The following JAK1 variants were observed in gnomAD, a reference collection of about 807,000 sequenced individuals.
JAK1 encodes Janus kinase 1, also known as tyrosine-protein kinase JAK1.
JAK1 carries 16 observed loss-of-function variants against 136.6 expected under a neutral mutation model. That is an observed-to-expected ratio of 0.12 (90% CI 0.08 to 0.18). The LOEUF (loss-of-function observed/expected upper bound fraction) is 0.18. Ranked by LOEUF, JAK1 falls within the 10% of genes least tolerant of loss-of-function variation. The pLI is 1.00. For missense variants in JAK1, 859 were observed against 1,450.1 expected (o/e 0.59, Z 6.62); for synonymous variants, 492 against 519.5 (o/e 0.95, Z 0.72).
chr1:65,031,662 A>G (rs928373242), intron 2 of JAK1, among the ~76,000 whole-genome samples: 2 of 152,300 alleles, frequency 1.3e-5, no homozygotes, highest in Admixed American at 1.3e-4. Flanking sequence ...TCATTTTGCT[A>G]TGGTTATATA....
Position 64,982,778 on chromosome 1 carries a change from T to C in JAK1, c.-78+61702A>G, listed in dbSNP as rs904794814. ...TGATAATATTTTCTGTCTTTTTTTT[T>C]CATGTGTACATTCAGAATTTTTATC... On this transcript the variant is annotated intron_variant, in intron 2 of 25. Transcript: ENST00000671954. 2.0e-4 allele frequency among the ~76,000 whole-genome samples: 31 copies of C among 152,196 alleles called. 5 individuals are homozygous for C. Among genetic ancestry groups the C allele is most frequent in the Admixed American group, 3.3e-4 (5 of 15,280 alleles).
At chr1:64,838,742 C>T (rs1471222061) in intron 20 of JAK1, among the ~76,000 whole-genome samples, 153 bp from the exon 21 acceptor site, 2 of 152,278 alleles carry the variant, frequency 1.3e-5, no homozygotes, top group East Asian at 1.9e-4. Flanking sequence ...GCCTCAAGAT[C>T]CTCAGCAGTG....
chr1:64,916,247 TA>T (rs2100331145), intron 1 of JAK1, among the ~76,000 whole-genome samples: 1 of 152,314 alleles, frequency 6.6e-6, no homozygotes, highest in East Asian at 1.9e-4. Context: ...TTCAGAAAGA[TA>T]AAAGAATACC....
chr1:64,965,470 C>T (rs1282395506), intron 1 of JAK1, among the ~76,000 whole-genome samples: 2 of 152,174 alleles, frequency 1.3e-5, no homozygotes, highest in African/African-American at 2.4e-5. Context: ...TCTAGAAGTT[C>T]CGTGGTAAAC....
chr1:64,996,065 T>C (rs1345598084), intron 2 of JAK1, among the ~76,000 whole-genome samples: 1 of 152,174 alleles, frequency 6.6e-6, no homozygotes, highest in African/African-American at 2.4e-5. Context: ...TTTTTTTTTC[T>C]TTCCTTCAAA....
chr1:64,900,265 T>A (rs1645084442), intron 1 of JAK1, among the ~76,000 whole-genome samples: 2 of 152,310 alleles, frequency 1.3e-5, no homozygotes, highest in African/African-American at 4.8e-5. Flanking sequence ...GTGCTATGAC[T>A]TCAGAGGACA....
At chr1:64,966,113 C>T (rs996710931) in intron 1 of JAK1, among the ~76,000 whole-genome samples, 3 of 151,874 alleles carry the variant, frequency 2.0e-5, no homozygotes, top group Non-Finnish European at 2.9e-5. Flanking sequence ...GGCCCCCGCC[C>T]GGCGACCTCC....
intron 1 of JAK1, among the ~76,000 whole-genome samples, chr1:64,921,705 T>G (rs551230977): frequency 6.6e-6 from 1 of 152,174 alleles, no homozygotes; most frequent in East Asian, 1.9e-4. Context: ...ATAAAACCTC[T>G]TAGAAATTGT....
chr1:65,051,141 A>C (rs1647272027), intron 1 of JAK1, among the ~76,000 whole-genome samples: 1 of 151,918 alleles, frequency 6.6e-6, no homozygotes, highest in African/African-American at 2.4e-5. Flanking sequence ...ATGCTATTAG[A>C]CTAGTGCTAT....
rs1443966309 is a variant in JAK1, at chr1:65,042,790, C to T, written c.-78+1690G>A. On this transcript the variant is annotated intron_variant, in intron 2 of 25. Transcript: ENST00000671954. The stretch of plus-strand genomic sequence containing the variant: ...ATGAGTTCAACTCTCTGCTTTTCTG[C>T]TTTTAGTCCCTATCTGCTAGGTGGT... Among the ~76,000 whole-genome samples the T allele has an allele frequency of 2.0e-5, 3 of 152,156 alleles. 1 individual carries two copies. The highest frequency in any genetic ancestry group is 4.8e-5 in the African/African-American group (2 of 41,432).
chr1:64,860,111 G>A lies in JAK1; in HGVS notation c.1328C>T (p.Pro443Leu), dbSNP rs2101071904. 6.3e-7 allele frequency: 1 copy of A among 1,576,924 alleles called. No homozygotes were observed. The highest frequency in any genetic ancestry group is 8.6e-7 in the Non-Finnish European group (1 of 1,156,690). Residue 443 changes from proline to leucine, a missense_variant, in exon 9 of 25, where the codon CCA becomes CTA. Pro to Leu is a moderately conservative substitution (Grantham distance 98). This residue lies in a region of JAK1 where 409 missense variants were observed against 753.8 expected (regional missense o/e 0.54). Coordinates refer to ENST00000342505, the MANE Select transcript of JAK1 (RefSeq NM_002227.4). Reference sequence around the variant, plus strand: ...ATAAGGTTCTAGGACCAACCAGATTGGACCATGACAGCCATTCTGTATGTT... The same window carrying A: ...ATAAGGTTCTAGGACCAACCAGATTAGACCATGACAGCCATTCTGTATGTT... ...VHNIQNGCHG[P>L]ICTEYAINKL...
chr1:65,055,696 GAA>G lies in JAK1; in HGVS notation c.-180-11116_-180-11115del, dbSNP rs550507290. On this transcript the variant is annotated intron_variant, in intron 1 of 25. Transcript: ENST00000671954. Reference sequence around the variant, plus strand: ...GCATCACTTCTCTCTTAACCTGCTGGAACACCTTACGTCTATGAAATGCCTTG... The same window carrying G: ...GCATCACTTCTCTCTTAACCTGCTGGCACCTTACGTCTATGAAATGCCTTG... Among the ~76,000 whole-genome samples, 9 of 152,256 alleles carry G rather than the reference GAA, an allele frequency of 5.9e-5. No homozygotes were observed. In the East Asian group the frequency reaches 1.5e-3, roughly 26 times the overall value.
At chr1:64,879,208 T>C (rs1405257000) in intron 3 of JAK1, 60 bp from the exon 4 acceptor site, 1 of 1,595,290 alleles carries the variant, frequency 6.3e-7, no homozygotes, top group Non-Finnish European at 8.6e-7. Flanking sequence ...GCCATCTGTT[T>C]CTAAACCCAA....
At chr1:64,867,248 A>G (rs551291524) in intron 6 of JAK1, 40 bp from the exon 7 acceptor site, 1 of 1,402,558 alleles carries the variant, frequency 7.1e-7, no homozygotes, top group Non-Finnish European at 9.7e-7. Flanking sequence ...TTTCATGTAC[A>G]GGTTAGGAGA....
Position 65,041,867 on chromosome 1 carries a change from C to G in JAK1, c.-78+2613G>C, listed in dbSNP as rs912596930. Among the ~76,000 whole-genome samples, 11 of 152,102 alleles carry G rather than the reference C, an allele frequency of 7.2e-5. No homozygotes were observed. The South Asian group carries it at 2.3e-3, about 32-fold the overall frequency. On this transcript the variant is annotated intron_variant, in intron 2 of 25. Coordinates refer to the JAK1 transcript ENST00000671954. ...CAGCCTGGCCAACATGGTAAAACCC[C>G]GTCTCTAGCAAAAATACAAAAAATT...
chr1:64,878,579 A>G lies in JAK1; in HGVS notation c.329+446T>C, dbSNP rs1329052480. Among the ~76,000 whole-genome samples the G allele has an allele frequency of 8.3e-3, 503 of 60,808 alleles. 2 individuals carry two copies. The highest frequency in any genetic ancestry group is 0.015 in the Middle Eastern group (2 of 136). 39.9% of individuals were successfully genotyped at this position (60,808 alleles called of 152,430 possible). On this transcript the variant is annotated intron_variant, in intron 4 of 24. Coordinates refer to ENST00000342505, the MANE Select transcript of JAK1 (RefSeq NM_002227.4). ...ATAGTGTGTATATATATATATATAT[A>G]TATATATATATATATATATATATAT...
intron 1 of JAK1, among the ~76,000 whole-genome samples, chr1:64,902,337 G>C (rs575315005): frequency 1.3e-5 from 2 of 152,178 alleles, no homozygotes; most frequent in Admixed American, 6.5e-5. Context: ...AAAATCATCA[G>C]TCCTGTCATT....
rs1646550660 is a variant in JAK1 at position 64,982,042 on chromosome 1, A to G, written c.-78+62438T>C. Among the ~76,000 whole-genome samples the G allele has an allele frequency of 2.0e-5, 3 of 152,244 alleles. No individual in the cohort carries two copies. The South Asian group carries it at 6.2e-4, about 32-fold the overall frequency. On this transcript the variant is annotated intron_variant, in intron 2 of 25. Coordinates refer to the JAK1 transcript ENST00000671954. ...CGAGCTTCCAGTTACTTATCTGTAC[A>G]TATACAATTCTACAGAGTTGATGTC... is the stretch of plus-strand genomic sequence containing the variant.
At chr1:65,003,745 A>G (rs1329217095) in intron 2 of JAK1, 1 of 152,136 alleles carries the variant, frequency 6.6e-6, no homozygotes, top group Non-Finnish European at 1.5e-5. Flanking sequence ...TGAAAAAAAA[A>G]AATGCCTTCT....
Sources: allele counts gnomAD v4.1 joint callset (sites outside exome capture counted in the v4.1 genomes callset), GRCh38; gene constraint gnomAD v4.1.1; regional missense constraint gnomAD v4.1.1; transcripts MANE v1.5; gene names NCBI Gene and HGNC (gene_info 2026-07-23, HGNC 2026-07-21).